FAM161B: variants seen among roughly 807,000 people sequenced by gnomAD.
FAM161B encodes protein FAM161B.
Under a neutral mutation model 61.5 loss-of-function variants are expected in FAM161B, and 46 were observed. The ratio of observed to expected loss-of-function variants is 0.75; its 90% CI spans 0.59 to 0.96. The LOEUF is 0.96. FAM161B is among the 40% of genes least tolerant of loss of function. FAM161B has a pLI of 0.00. For synonymous variants in FAM161B, 284 were observed against 302.7 expected (o/e 0.94, Z 0.64); for missense variants, 774 against 800.7 (o/e 0.97, Z 0.40).
intron 5 of FAM161B, among the ~76,000 whole-genome samples, chr14:73,939,821 G>A (rs771617137): frequency 6.6e-6 from 1 of 152,214 alleles, no homozygotes; most frequent in South Asian, 2.1e-4. Context: ...ATATTCAAAT[G>A]GACATACTGG....
chr14:73,942,690 G>A lies in FAM161B; in HGVS notation c.951C>T (p.Arg317=). Residue 317 remains arginine, a synonymous_variant, in exon 4 of 9, where the codon CGC becomes CGT. Coordinates refer to ENST00000286544, the MANE Select transcript of FAM161B (RefSeq NM_152445.3). The part of the protein sequence containing the change: ...LQEAELFRKI[R]IQMRALDMLQ... ...GCATGTCCAGGGCTCTCATTTGGATGCGAATTTTCCTGAAGAGCTCAGCTT... is the reference window on the plus strand; with the variant it reads ...GCATGTCCAGGGCTCTCATTTGGATACGAATTTTCCTGAAGAGCTCAGCTT... 6.2e-7 allele frequency: 1 copy of A among 1,613,656 alleles called. No individual in the cohort carries two copies.
At position 73,938,003 on chromosome 14, in the gene FAM161B, T is replaced by C. The variant is rs1045665862; in HGVS notation, c.1510A>G (p.Met504Val). The change falls in exon 6 of 9, where the codon ATG becomes GTG. Residue 504 changes from methionine to valine, a missense_variant. Physicochemically the swap from Met to Val is conservative, Grantham distance 21. Coordinates refer to ENST00000286544, the MANE Select transcript of FAM161B (RefSeq NM_152445.3). Reference protein sequence around the residue: ...SKSVTLRAKAMDPHKSLEEVF... With the variant: ...SKSVTLRAKAVDPHKSLEEVF... ...TCCTCCAGGCTTTTATGGGGATCCA[T>C]GGCTTTTGCACGCAAGGTCACAGAT... The C allele has an allele frequency of 3.7e-6, 6 of 1,614,138 alleles. No homozygotes were observed. The Admixed American group carries it at 6.7e-5, about 18-fold the overall frequency.
rs2055986628 is a variant in FAM161B, at chr14:73,938,127, C to T, written c.1401-15G>A. On this transcript the variant is annotated splice_polypyrimidine_tract_variant and intron_variant, in intron 5 of 8. Transcript: ENST00000286544. ...CAAGTGCACTTCTAAAGGAAGGAGG[C>T]AGAAAAAGAGTATAGATTACCAACC... The T allele has an allele frequency of 1.2e-5, 20 of 1,612,408 alleles. No individual in the cohort carries two copies. Among genetic ancestry groups the T allele is most frequent in the Non-Finnish European group, 1.5e-5 (18 of 1,179,360 alleles).
Position 73,944,691 on chromosome 14 carries a change from C to T in FAM161B, c.569G>A (p.Gly190Asp). The T allele has an allele frequency of 6.2e-7, 1 of 1,607,982 alleles. No individual in the cohort carries two copies. Among genetic ancestry groups the T allele is most frequent in the Non-Finnish European group, 8.5e-7 (1 of 1,175,404 alleles). Residue 190 changes from glycine to aspartate, a missense_variant, in exon 3 of 9, where the codon GGC (glycine) becomes GAC (aspartate). By Grantham distance (94) the Gly-to-Asp change is moderately conservative. Transcript: ENST00000286544. Reference sequence around the variant, plus strand: ...CTCCTGCTCAAAGGAGGCAGGTGAGCCCAGCCACTCGGCCTTCTTCCGGGC... The same window carrying T: ...CTCCTGCTCAAAGGAGGCAGGTGAGTCCAGCCACTCGGCCTTCTTCCGGGC... ...REARKKAEWL[G>D]SPASFEQERQ...
chr14:73,949,535 T>TA (rs1456799967), intron 1 of FAM161B, among the ~76,000 whole-genome samples: 1 of 149,034 alleles, frequency 6.7e-6, no homozygotes, highest in Non-Finnish European at 1.5e-5. Context: ...TTTTTTTTTT[T>TA]AAATTTTTAG....
downstream of FAM161B, among the ~76,000 whole-genome samples, chr14:73,928,174 C>T (rs1319058539): frequency 4.6e-5 from 7 of 152,086 alleles, no homozygotes; most frequent in Admixed American, 4.6e-4. Flanking sequence ...ACGTTCCAGT[C>T]TTGGGAGAAG....
At chr14:73,949,745 G>A (rs1178336140) in intron 1 of FAM161B, among the ~76,000 whole-genome samples, 1 of 152,116 alleles carries the variant, frequency 6.6e-6, no homozygotes, top group Admixed American at 6.5e-5. Flanking sequence ...ACTGGTCATA[G>A]AGTACTAAGA....
In FAM161B at chr14:73,944,502, A is replaced by G. The variant is rs1261446977; in HGVS notation, c.758T>C (p.Leu253Pro). 1 of 1,613,942 alleles carries G rather than the reference A, an allele frequency of 6.2e-7. No homozygotes were observed. The highest frequency in any genetic ancestry group is 1.3e-5 in the African/African-American group (1 of 74,878). Residue 253 changes from leucine to proline, a missense_variant, in exon 3 of 9, where the codon CTC becomes CCC. Transcript: ENST00000286544. ...GAAGCTGAAGGGCTTCAAAGAAGAG[A>G]GGAGCAGTTCCTTCCTCTTCTGGAT... ...AGIQKRKELL[L>P]SSLKPFSFLE... is the part of the protein sequence containing the mutation.
At chr14:73,948,842 T>C (rs949052902) in intron 1 of FAM161B, among the ~76,000 whole-genome samples, 8 of 151,992 alleles carry the variant, frequency 5.3e-5, no homozygotes, top group African/African-American at 1.9e-4. Flanking sequence ...CCAGGTGCAC[T>C]GGCTCACGCC....
rs748822257 is a variant in FAM161B at position 73,944,851 on chromosome 14, T to C, written c.409A>G (p.Asn137Asp). Reference sequence around the variant, plus strand: ...GGCCTGGGAATGTTGGAGGGAAGGTTGTTCAGGGAGCTGCAGCGCCTTGTG... The same window carrying C: ...GGCCTGGGAATGTTGGAGGGAAGGTCGTTCAGGGAGCTGCAGCGCCTTGTG... ...GSTRRCSSLN[N>D]LPSNIPRPQT... The change falls in exon 3 of 9, where the codon AAC becomes GAC. Residue 137 changes from asparagine to aspartate, a missense_variant. Physicochemically the swap from Asn to Asp is conservative, Grantham distance 23. Coordinates refer to ENST00000286544, the MANE Select transcript of FAM161B (RefSeq NM_152445.3). The C allele has an allele frequency of 2.6e-6, 4 of 1,528,990 alleles. No individual in the cohort carries two copies. In the South Asian group the frequency reaches 5.1e-5, roughly 20 times the overall value. The allele number at this position is 1,528,990 out of a possible 1,614,324, so 94.7% of individuals were successfully genotyped here.
At chr14:73,926,644 A>C (rs143773389), downstream of FAM161B, among the ~76,000 whole-genome samples, 109 of 152,246 alleles carry the variant, frequency 7.2e-4, 1 homozygote, top group African/African-American at 2.6e-3. Flanking sequence ...CATGTTGGCC[A>C]GGCTGGTCCC....
At chr14:73,924,683 CT>C in the FAM161B span, 3,812 of 364,970 alleles carry the variant, frequency 0.01, no homozygotes, top group Middle Eastern at 0.026. Context: ...CTTTTCTTTT[CT>C]TTTTTTTTTT....
chr14:73,934,337 A>G lies in FAM161B; in HGVS notation c.1863T>C (p.Ser621=). The change falls in exon 9 of 9, where the codon TCT becomes TCC. Residue 621 remains serine (S), a synonymous_variant. Transcript: ENST00000286544. ...TCCTGGGGCTTGCAGGCTGTTCTAGAGATCCTTCTAAACCCTGCTCTGGAT... is the reference window on the plus strand; with the variant it reads ...TCCTGGGGCTTGCAGGCTGTTCTAGGGATCCTTCTAAACCCTGCTCTGGAT... ...IRDPEQGLEG[S]LEQPASPRKV... is the part of the protein sequence containing the mutation. 6.2e-7 allele frequency: 1 copy of G among 1,614,118 alleles called. No homozygotes were observed. Among genetic ancestry groups the G allele is most frequent in the Non-Finnish European group, 8.5e-7 (1 of 1,180,016 alleles).
chr14:73,929,814 A>T (rs1044423201), downstream of FAM161B, among the ~76,000 whole-genome samples: 1 of 125,122 alleles, frequency 8.0e-6, no homozygotes, highest in African/African-American at 3.4e-5. Context: ...CAAACTCTTT[A>T]AAAAAAAAAA....
At position 73,944,679 on chromosome 14, in the gene FAM161B, G is replaced by A. The variant is rs751575923; in HGVS notation, c.581C>T (p.Ser194Phe). 2 of 1,610,726 alleles carry A rather than the reference G, an allele frequency of 1.2e-6. No homozygotes were observed. The highest frequency in any genetic ancestry group is 1.1e-5 in the South Asian group (1 of 91,000). The part of the protein sequence containing the change: ...KKAEWLGSPA[S>F]FEQERQRAQR... The stretch of plus-strand genomic sequence containing the variant: ...GGCCCGCTGCCTCTCCTGCTCAAAG[G>A]AGGCAGGTGAGCCCAGCCACTCGGC... Residue 194 changes from serine (S) to phenylalanine (F), a missense_variant, in exon 3 of 9, where the codon TCC (serine) becomes TTC (phenylalanine). Transcript: ENST00000286544.
At chr14:73,948,564 C>T (rs960427494) in intron 1 of FAM161B, among the ~76,000 whole-genome samples, 2 of 152,072 alleles carry the variant, frequency 1.3e-5, no homozygotes. Flanking sequence ...ATCTTGGGCA[C>T]GTTTTTTCTT....
Position 73,938,091 on chromosome 14 carries a change from G to T in FAM161B, c.1422C>A (p.Asn474Lys). Residue 474 changes from asparagine to lysine, a missense_variant, in exon 6 of 9, where the codon AAC becomes AAA. Transcript: ENST00000286544. ...GCCACTGAATACTCTCATCTGCTTTGTTCTTTTTTTCAAGTGCACTTCTAA... is the reference window on the plus strand; with the variant it reads ...GCCACTGAATACTCTCATCTGCTTTTTTCTTTTTTTCAAGTGCACTTCTAA... ...SAVRSALEKKNKADESIQWLE... is the reference protein window; with the variant it reads ...SAVRSALEKKKKADESIQWLE... The T allele has an allele frequency of 6.2e-7, 1 of 1,613,918 alleles. No individual in the cohort carries two copies. Among genetic ancestry groups the T allele is most frequent in the Non-Finnish European group, 8.5e-7 (1 of 1,179,946 alleles).
intron 4 of FAM161B, among the ~76,000 whole-genome samples, chr14:73,941,914 C>T (rs983757240): frequency 6.6e-6 from 1 of 152,190 alleles, no homozygotes; most frequent in Admixed American, 6.5e-5. Context: ...CCATGTTGGC[C>T]GTGCTGGTCT....
chr14:73,948,115 G>C (rs2056082353), intron 1 of FAM161B, among the ~76,000 whole-genome samples: 1 of 152,034 alleles, frequency 6.6e-6, no homozygotes, highest in African/African-American at 2.4e-5. Flanking sequence ...GTACAGATGG[G>C]GTTTCACCAT....
Sources: allele counts gnomAD v4.1 joint callset (sites outside exome capture counted in the v4.1 genomes callset), GRCh38; gene constraint gnomAD v4.1.1; transcripts MANE v1.5; gene names NCBI Gene and HGNC (gene_info 2026-07-23, HGNC 2026-07-21).